Variants in MROH9 observed in about 807,000 individuals in gnomAD.
MROH9 encodes maestro heat like repeat family member 9.
Under a neutral mutation model 98.2 loss-of-function variants are expected in MROH9, and 92 were observed. That is an observed-to-expected ratio of 0.94 (90% CI 0.79 to 1.11). The LOEUF is 1.11. Among genes scored for constraint, MROH9 ranks in the 50% most tolerant of loss-of-function variants. The probability of loss-of-function intolerance (pLI) is 0.00; values close to 1 mark genes in which losing one functional copy is unlikely to be tolerated. For missense variants in MROH9, 1,057 were observed against 1,014.8 expected (o/e 1.04, Z -0.57); for synonymous variants, 397 against 368.9 (o/e 1.08, Z -0.87).
At chr1:171,048,013 T>C (rs1342802696) in intron 20 of MROH9, among the ~76,000 whole-genome samples, 3 of 152,188 alleles carry the variant, frequency 2.0e-5, no homozygotes, top group Non-Finnish European at 4.4e-5. Flanking sequence ...ACATATTCTC[T>C]CTGTCTCTCT....
intron 1 of MROH9, among the ~76,000 whole-genome samples, chr1:170,938,823 G>A (rs1236492692): frequency 6.6e-6 from 1 of 152,204 alleles, no homozygotes; most frequent in Non-Finnish European, 1.5e-5. Context: ...GTAGCTGGCT[G>A]ATCACTCTGG....
At chr1:171,000,553 A>G (rs974229615) in intron 15 of MROH9, among the ~76,000 whole-genome samples, 4 of 152,092 alleles carry the variant, frequency 2.6e-5, no homozygotes, top group African/African-American at 9.7e-5. Context: ...ATTGACTTGC[A>G]TATATTGAAC....
intron 20 of MROH9, among the ~76,000 whole-genome samples, chr1:171,040,959 T>C (rs1653276869): frequency 1.3e-5 from 2 of 152,086 alleles, no homozygotes; most frequent in South Asian, 4.1e-4. Context: ...AATATATATC[T>C]CTGTCAGTTA....
intron 15 of MROH9, among the ~76,000 whole-genome samples, chr1:171,006,121 G>A (rs1651944133): frequency 6.6e-6 from 1 of 152,134 alleles, no homozygotes; most frequent in Non-Finnish European, 1.5e-5. Context: ...TCTCATGGTT[G>A]TAAACTCCCT....
At chr1:171,025,570 T>C in intron 20 of MROH9, 150 bp downstream of exon 20, 1 of 590,448 alleles carries the variant, frequency 1.7e-6, no homozygotes, top group East Asian at 2.8e-5. Flanking sequence ...ATACGTGTGA[T>C]GAGAATAGAG....
chr1:171,011,338 T>G (rs1652149910), intron 15 of MROH9, among the ~76,000 whole-genome samples: 1 of 152,208 alleles, frequency 6.6e-6, no homozygotes, highest in Admixed American at 6.5e-5. Context: ...ACCCTACAGA[T>G]TACTTACTGG....
intron 2 of MROH9, among the ~76,000 whole-genome samples, 171 bp from the exon 3 acceptor site, chr1:170,947,356 G>A (rs1649370109): frequency 6.6e-6 from 1 of 151,642 alleles, no homozygotes. Context: ...GTTAAGTGTT[G>A]TCCAGTAATA....
At chr1:171,048,365 C>T (rs1351927629) in intron 20 of MROH9, among the ~76,000 whole-genome samples, 2 of 152,128 alleles carry the variant, frequency 1.3e-5, no homozygotes, top group East Asian at 1.9e-4. Flanking sequence ...CTGTGAGATG[C>T]AATCCTTCCC....
intron 8 of MROH9, among the ~76,000 whole-genome samples, chr1:170,974,936 ATAAGT>A (rs1392883815): frequency 1.3e-5 from 2 of 152,092 alleles, no homozygotes; most frequent in African/African-American, 2.4e-5. Context: ...AAGTAAACTA[ATAAGT>A]TAAGGATGTA....
intron 12 of MROH9, among the ~76,000 whole-genome samples, chr1:170,994,313 A>G (rs1651473265): frequency 1.3e-5 from 2 of 152,154 alleles, no homozygotes; most frequent in Admixed American, 6.6e-5. Flanking sequence ...TCTGCCCATA[A>G]CTGTTACCCA....
chr1:170,959,235 C>T (rs28683759), intron 4 of MROH9, among the ~76,000 whole-genome samples: 6,371 of 151,932 alleles, frequency 0.042, 398 homozygotes, highest in African/African-American at 0.14. Flanking sequence ...ATTAGCCAGG[C>T]GTGGTGGCGG....
intron 15 of MROH9, among the ~76,000 whole-genome samples, chr1:171,010,190 T>C (rs148581165): frequency 2.0e-5 from 3 of 152,246 alleles, no homozygotes; most frequent in Non-Finnish European, 4.4e-5. Flanking sequence ...TGAGAACATG[T>C]GGTGTTTGTT....
chr1:170,971,676 A>G (rs1397897987), intron 7 of MROH9, 72 bp from the exon 8 acceptor site: 2 of 1,518,296 alleles, frequency 1.3e-6, no homozygotes, highest in Non-Finnish European at 1.8e-6. Flanking sequence ...TTATAACAGG[A>G]TCAGATGCAT....
intron 3 of MROH9, among the ~76,000 whole-genome samples, chr1:170,955,597 TG>T (rs1649727788): frequency 1.3e-5 from 2 of 152,362 alleles, no homozygotes; most frequent in African/African-American, 4.8e-5. Context: ...TTCATATGTT[TG>T]TTGGCCATTT....
chr1:170,975,330 T>G (rs189643173), intron 8 of MROH9, among the ~76,000 whole-genome samples: 1 of 152,100 alleles, frequency 6.6e-6, no homozygotes, highest in African/African-American at 2.4e-5. Context: ...TATTCTATTA[T>G]TATAAAAAGA....
intron 1 of MROH9, among the ~76,000 whole-genome samples, chr1:170,943,130 T>TA (rs1167724539): frequency 2.0e-5 from 3 of 152,014 alleles, no homozygotes; most frequent in Middle Eastern, 3.4e-3. Flanking sequence ...AGTAGAAAAT[T>TA]AAAAAAATCA....
intron 15 of MROH9, among the ~76,000 whole-genome samples, chr1:171,005,312 C>G (rs1651920037): frequency 6.6e-6 from 1 of 152,118 alleles, no homozygotes; most frequent in Non-Finnish European, 1.5e-5. Flanking sequence ...CTCAAGTGAT[C>G]CACCCAACTT....
intron 12 of MROH9, 108 bp downstream of exon 12, chr1:170,992,437 C>A: frequency 9.0e-7 from 1 of 1,115,640 alleles, no homozygotes; most frequent in Non-Finnish European, 1.3e-6. Context: ...GTCCTCTTCT[C>A]ATGCATCCAT....
chr1:170,961,244 C>A (rs751887873), intron 5 of MROH9, among the ~76,000 whole-genome samples: 2 of 151,988 alleles, frequency 1.3e-5, no homozygotes, highest in African/African-American at 2.4e-5. Context: ...ACAAGAGTAT[C>A]CCAAAACAAA....
Sources: allele counts gnomAD v4.1 joint callset (sites outside exome capture counted in the v4.1 genomes callset), GRCh38; gene constraint gnomAD v4.1.1; transcripts MANE v1.5; gene names NCBI Gene and HGNC (gene_info 2026-07-23, HGNC 2026-07-21).